The following NDUFB4 variants were observed in gnomAD, a reference collection of about 807,000 sequenced individuals.
NDUFB4 encodes the protein NADH dehydrogenase [ubiquinone] 1 beta subcomplex subunit 4.
NDUFB4 carries 10 observed loss-of-function variants against 14.5 expected under a neutral mutation model. The ratio of observed to expected loss-of-function variants is 0.69; its 90% CI spans 0.43 to 1.17. The LOEUF is 1.17. NDUFB4 is among the 50% of genes most tolerant of loss of function. The probability of loss-of-function intolerance (pLI) is 0.00; values close to 1 mark genes in which losing one functional copy is unlikely to be tolerated. For synonymous variants in NDUFB4, 65 were observed against 63.4 expected (o/e 1.03, Z -0.12); for missense variants, 165 against 161.1 (o/e 1.02, Z -0.13).
intron 1 of NDUFB4, among the ~76,000 whole-genome samples, chr3:120,599,124 T>A (rs989564397): frequency 1.3e-5 from 2 of 152,162 alleles, no homozygotes; most frequent in African/African-American, 4.8e-5. Context: ...CAAGGATGAC[T>A]CCAAGGTTTT....
chr3:120,601,992 C>T (rs1001026040), intron 2 of NDUFB4: 1 of 1,303,008 alleles, frequency 7.7e-7, no homozygotes, highest in Admixed American at 3.9e-5. Context: ...CTTACTGTGT[C>T]TTTAGTTCCT....
intron 1 of NDUFB4, among the ~76,000 whole-genome samples, chr3:120,597,183 A>C (rs967819364): frequency 2.0e-5 from 3 of 151,698 alleles, no homozygotes; most frequent in Non-Finnish European, 4.4e-5. Context: ...TGCATCTTTT[A>C]AAGACCCTGA....
intron 1 of NDUFB4, among the ~76,000 whole-genome samples, chr3:120,600,093 G>A (rs1022532834): frequency 1.5e-5 from 2 of 132,206 alleles, no homozygotes; most frequent in African/African-American, 5.3e-5. Flanking sequence ...AGGAACGGAA[G>A]CATTTCCATC....
chr3:120,598,224 T>G (rs189858731), intron 1 of NDUFB4, among the ~76,000 whole-genome samples: 1 of 152,008 alleles, frequency 6.6e-6, no homozygotes, highest in Non-Finnish European at 1.5e-5. Context: ...GGTTAAGTTT[T>G]TGTATTTTTT....
chr3:120,601,055 G>A, intron 1 of NDUFB4, 56 bp from the exon 2 acceptor site: 2 of 1,491,434 alleles, frequency 1.3e-6, no homozygotes, highest in Non-Finnish European at 1.8e-6. Flanking sequence ...CTATGAATTT[G>A]TTTCTCAATG....
At chr3:120,601,410 C>A in intron 2 of NDUFB4, 153 bp downstream of exon 2, 1 of 1,477,190 alleles carries the variant, frequency 6.8e-7, no homozygotes, top group Non-Finnish European at 8.9e-7. Context: ...ATCTTTATTC[C>A]TTTCCAGCAG....
rs1186301411 is a variant in NDUFB4, at chr3:120,600,109, G to GTTTTTTTTTTTTTTTTTTTTTTTTTTT, written c.181-991_181-990insTTTTTTTTTTTTTTTTTTTTTTTTTTT. On this transcript the variant is annotated intron_variant, in intron 1 of 2. Coordinates refer to ENST00000184266, the MANE Select transcript of NDUFB4 (RefSeq NM_004547.6). ...GGAACGGAAGCATTTCCATCATAAG[G>GTTTTTTTTTTTTTTTTTTTTTTTTTTT]TTTTTTTTTTTGTTTTTTTTTTTTT... Among the ~76,000 whole-genome samples the GTTTTTTTTTTTTTTTTTTTTTTTTTTT allele has an allele frequency of 1.5e-5, 2 of 133,330 alleles. 1 individual carries two copies. The allele number at this position is 133,330 out of a possible 152,430, so 87.5% of individuals were successfully genotyped here. A position where few individuals can be genotyped will look rare whatever the true frequency, so the allele number is the denominator to read the frequency against.
chr3:120,597,925 T>A (rs1672951975), intron 1 of NDUFB4, among the ~76,000 whole-genome samples: 1 of 152,190 alleles, frequency 6.6e-6, no homozygotes, highest in Non-Finnish European at 1.5e-5. Flanking sequence ...GCTGTATGCC[T>A]CAGGGTAGTT....
chr3:120,602,391 A>G lies in NDUFB4; in HGVS notation c.*121A>G, dbSNP rs1190520188. The G allele has an allele frequency of 4.3e-6, 4 of 939,398 alleles. No homozygotes were observed. In the East Asian group the frequency reaches 1.0e-4, roughly 24 times the overall value. The allele number at this position is 939,398 out of a possible 1,614,324, so 58.2% of individuals were successfully genotyped here. The stretch of plus-strand genomic sequence containing the variant: ...TGTTAAAAACTATTAACACCCTAAC[A>G]ACACAGAAGCAGACGCAGCCCGTGT... On this transcript the variant is annotated 3_prime_UTR_variant, in exon 3 of 3. Transcript: ENST00000184266.
intron 1 of NDUFB4, chr3:120,596,793 A>G (rs1939964251): frequency 1.9e-6 from 1 of 518,774 alleles, no homozygotes; most frequent in Admixed American, 3.2e-5. Flanking sequence ...AACGTTATTC[A>G]CTCTGCTTAT....
At chr3:120,600,122 T>G (rs1390199721) in intron 1 of NDUFB4, among the ~76,000 whole-genome samples, 3 of 123,162 alleles carry the variant, frequency 2.4e-5, no homozygotes, top group African/African-American at 9.9e-5. Flanking sequence ...TTTTTTTTTG[T>G]TTTTTTTTTT....
chr3:120,596,861 G>A (rs748282758), intron 1 of NDUFB4, among the ~76,000 whole-genome samples: 1 of 151,534 alleles, frequency 6.6e-6, no homozygotes, highest in Non-Finnish European at 1.5e-5. Context: ...TTATCAGGCT[G>A]TTAGGATTAA....
intron 1 of NDUFB4, among the ~76,000 whole-genome samples, chr3:120,597,580 C>A (rs923717092): frequency 1.3e-5 from 2 of 152,212 alleles, no homozygotes; most frequent in Non-Finnish European, 2.9e-5. Context: ...GTACTATTTA[C>A]ATATCACAAC....
In NDUFB4 at chr3:120,601,222, C is replaced by G. The variant is rs748948098; in HGVS notation, c.292C>G (p.Leu98Val). ...GGGAGCTCTGTGTGGATTTGGGCCCCTCATCTTCATTTATTATATTATCAA... is the reference window on the plus strand; with the variant it reads ...GGGAGCTCTGTGTGGATTTGGGCCCGTCATCTTCATTTATTATATTATCAA... The part of the protein sequence containing the change: ...LMGALCGFGP[L>V]IFIYYIIKTE... Residue 98 changes from leucine (L) to valine (V), a missense_variant, in exon 2 of 3, where the codon CTC becomes GTC. Leu to Val is a conservative substitution (Grantham distance 32). Coordinates refer to ENST00000184266, the MANE Select transcript of NDUFB4 (RefSeq NM_004547.6). 2 of 1,613,966 alleles carry G rather than the reference C, an allele frequency of 1.2e-6. No homozygotes were observed. Among genetic ancestry groups the G allele is most frequent in the African/African-American group, 2.7e-5 (2 of 74,904 alleles).
At position 120,602,461 on chromosome 3, in the gene NDUFB4, G is replaced by A. The variant is rs1433168014; in HGVS notation, c.*191G>A. The A allele has an allele frequency of 1.1e-5, 6 of 545,478 alleles. No homozygotes were observed. In the East Asian group the frequency reaches 1.8e-4, roughly 17 times the overall value. The allele number at this position is 545,478 out of a possible 1,614,324, so 33.8% of individuals were successfully genotyped here. ...TGACAGCAAACATTTGCTGTACATT[G>A]AATGAATGAACATAAACTTCATTAA... On this transcript the variant is annotated 3_prime_UTR_variant, in exon 3 of 3. Coordinates refer to ENST00000184266, the MANE Select transcript of NDUFB4 (RefSeq NM_004547.6).
chr3:120,600,658 G>A (rs1354020113), intron 1 of NDUFB4, among the ~76,000 whole-genome samples: 2 of 152,132 alleles, frequency 1.3e-5, no homozygotes, highest in African/African-American at 2.4e-5. Flanking sequence ...ATTAGAAAGG[G>A]TCCTGGAAAC....
rs758478114 is a variant in NDUFB4 at position 120,596,422 on chromosome 3, C to A, written c.63C>A (p.Ala21=). 2 of 1,614,118 alleles carry A rather than the reference C, an allele frequency of 1.2e-6. No individual in the cohort carries two copies. Among genetic ancestry groups the A allele is most frequent in the Non-Finnish European group, 1.7e-6 (2 of 1,179,998 alleles). ...LRTLPETLDP[A]EYNISPETRR... is the part of the protein sequence containing the mutation. ...CTCTGCCTGAGACCCTCGACCCAGC[C>A]GAATACAACATATCTCCGGAAACCC... is the stretch of plus-strand genomic sequence containing the variant. Residue 21 remains alanine, a synonymous_variant, in exon 1 of 3, where the codon GCC becomes GCA. Transcript: ENST00000184266.
At chr3:120,601,747 C>T (rs1467660575) in intron 2 of NDUFB4, 1 of 1,018,688 alleles carries the variant, frequency 9.8e-7, no homozygotes, top group East Asian at 1.0e-4. Flanking sequence ...GCTGCAGCCC[C>T]CAGGCTTGTG....
chr3:120,601,065 G>A (rs201239812), intron 1 of NDUFB4, 46 bp from the exon 2 acceptor site: 12 of 1,535,372 alleles, frequency 7.8e-6, no homozygotes, highest in East Asian at 4.5e-5. Flanking sequence ...GTTTCTCAAT[G>A]TGATCCTTCT....
Sources: gnomAD v4.1 joint callset for allele counts (sites outside exome capture counted in the v4.1 genomes callset) on GRCh38, gnomAD v4.1.1 for gene constraint, MANE v1.5 for transcripts, NCBI Gene and HGNC (gene_info 2026-07-23, HGNC 2026-07-21) for gene names.